The following SDK1 variants were observed in gnomAD, a reference collection of about 807,000 sequenced individuals.
SDK1 encodes sidekick cell adhesion molecule 1.
SDK1 carries 157 observed loss-of-function variants against 245.5 expected under a neutral mutation model. The ratio of observed to expected loss-of-function variants is 0.64; its 90% CI spans 0.56 to 0.73. The LOEUF is 0.73. SDK1 is among the 30% of genes least tolerant of loss of function. The pLI is 0.00. For synonymous variants in SDK1, 1,647 were observed against 1,278.5 expected (o/e 1.29, Z -6.15); for missense variants, 3,583 against 3,002.3 (o/e 1.19, Z -4.52).
At chr7:3,438,370 C>T (rs750722671) in intron 1 of SDK1, among the ~76,000 whole-genome samples, 80 of 152,098 alleles carry the variant, frequency 5.3e-4, no homozygotes, top group Non-Finnish European at 7.6e-4. Context: ...GCTGTGTATT[C>T]GAAATAATTT....
In SDK1 at chr7:4,266,579, T is replaced by A; in HGVS notation, c.*1195T>A. On this transcript the variant is annotated 3_prime_UTR_variant, in exon 45 of 45. Coordinates refer to ENST00000404826, the MANE Select transcript of SDK1 (RefSeq NM_152744.4). ...AGGTTTTTTGGAAATGTTTCTTTTTTTTATTTAAAATTGTCATTGTTTGGT... is the reference window on the plus strand; with the variant it reads ...AGGTTTTTTGGAAATGTTTCTTTTTATTATTTAAAATTGTCATTGTTTGGT... 5 of 985,278 alleles carry A rather than the reference T, an allele frequency of 5.1e-6. No individual in the cohort carries two copies. The highest frequency in any genetic ancestry group is 6.0e-6 in the Non-Finnish European group (5 of 829,810). The allele number at this position is 985,278 out of a possible 1,614,324, so 61.0% of individuals were successfully genotyped here. A position where few individuals can be genotyped will look rare whatever the true frequency, so the allele number is the denominator to read the frequency against.
chr7:4,172,577 A>G (rs946018108), intron 32 of SDK1, among the ~76,000 whole-genome samples: 1 of 152,172 alleles, frequency 6.6e-6, no homozygotes, highest in Non-Finnish European at 1.5e-5. Flanking sequence ...TTGGATTGCA[A>G]GGATGTGTTA....
At chr7:4,204,277 CAGTT>C (rs1262737985) in intron 35 of SDK1, among the ~76,000 whole-genome samples, 1 of 152,146 alleles carries the variant, frequency 6.6e-6, no homozygotes, top group Non-Finnish European at 1.5e-5. Context: ...AAAATTCCTC[CAGTT>C]AGTTTTGATT....
At chr7:3,504,897 C>G (rs933452537) in intron 1 of SDK1, among the ~76,000 whole-genome samples, 2 of 152,068 alleles carry the variant, frequency 1.3e-5, no homozygotes, top group African/African-American at 4.8e-5. Flanking sequence ...CCTAGCAATT[C>G]TACTCCTAGT....
chr7:4,260,279 G>T (rs113260978), intron 44 of SDK1, among the ~76,000 whole-genome samples: 68 of 124,924 alleles, frequency 5.4e-4, no homozygotes, highest in African/African-American at 1.9e-3. Flanking sequence ...CCAGGGCCTC[G>T]GTGTGTGTGG....
At chr7:3,974,251 G>A (rs771445094) in intron 12 of SDK1, 118 bp from the exon 13 acceptor site, 1 of 735,304 alleles carries the variant, frequency 1.4e-6, no homozygotes, top group Non-Finnish European at 2.3e-6. Flanking sequence ...GCACAGTTCA[G>A]TGGTTTTTAA....
In SDK1 at chr7:4,233,499, G is replaced by T. The variant is rs113094606; in HGVS notation, c.5992+80G>T. 3.6e-6 allele frequency: 5 copies of T among 1,397,054 alleles called. No individual in the cohort carries two copies. The African/African-American group carries it at 7.1e-5, about 20-fold the overall frequency. The allele number at this position is 1,397,054 out of a possible 1,614,324, so 86.5% of individuals were successfully genotyped here. On this transcript the variant is annotated intron_variant, in intron 41 of 44. Transcript: ENST00000404826. ...GGTCGAGGGGGACCCAGGGAGGTCT[G>T]TCTTCTCCTGAAGGGTGGGAGGGAG...
chr7:3,779,239 G>A (rs906852393), intron 4 of SDK1, among the ~76,000 whole-genome samples: 4 of 152,176 alleles, frequency 2.6e-5, no homozygotes, highest in African/African-American at 7.2e-5. Flanking sequence ...TGGCCAACTT[G>A]TCTCTCCTAC....
chr7:3,308,824 G>T (rs918204559), intron 1 of SDK1, among the ~76,000 whole-genome samples: 1 of 151,994 alleles, frequency 6.6e-6, no homozygotes, highest in African/African-American at 2.4e-5. Context: ...ACCTTGAGGG[G>T]GTTGGAAGCT....
At chr7:4,225,047 C>A (rs979042932) in intron 40 of SDK1, among the ~76,000 whole-genome samples, 1 of 143,344 alleles carries the variant, frequency 7.0e-6, no homozygotes. Context: ...TACAGAAGGG[C>A]CTGGCTACGA....
At position 4,202,752 on chromosome 7, in the gene SDK1, CGTTTT is replaced by C. The variant is rs1213230892; in HGVS notation, c.5099-3116_5099-3112del. The stretch of plus-strand genomic sequence containing the variant: ...TCCTCCACCAAATGCCACGTAGAAC[CGTTTT>C]GTTTTGTTTTTTTCTCCTGAGATTT... On this transcript the variant is annotated intron_variant, in intron 35 of 44. Transcript: ENST00000404826. Among the ~76,000 whole-genome samples the C allele has an allele frequency of 2.6e-5, 4 of 151,884 alleles. No individual in the cohort carries two copies. The East Asian group carries it at 7.7e-4, about 29-fold the overall frequency.
At chr7:4,217,233 G>A (rs1784860830) in intron 38 of SDK1, among the ~76,000 whole-genome samples, 1 of 114,126 alleles carries the variant, frequency 8.8e-6, no homozygotes, top group Admixed American at 8.3e-5. Flanking sequence ...AGGCCACCTG[G>A]AGCACCAGGC....
intron 4 of SDK1, among the ~76,000 whole-genome samples, chr7:3,763,575 C>A (rs1212737749): frequency 6.6e-6 from 1 of 152,178 alleles, no homozygotes; most frequent in Non-Finnish European, 1.5e-5. Flanking sequence ...ATTAGAGTTT[C>A]ATGTGTTTAC....
chr7:4,125,748 A>G (rs1386099226), intron 25 of SDK1, among the ~76,000 whole-genome samples: 1 of 152,180 alleles, frequency 6.6e-6, no homozygotes, highest in Non-Finnish European at 1.5e-5. Flanking sequence ...GACTGGTCAT[A>G]GCATCCTCCT....
intron 3 of SDK1, among the ~76,000 whole-genome samples, chr7:3,639,753 G>A (rs1782591923): frequency 6.6e-6 from 1 of 151,956 alleles, no homozygotes; most frequent in South Asian, 2.1e-4. Flanking sequence ...AATCTATGAA[G>A]AGTAAAAATG....
intron 1 of SDK1, among the ~76,000 whole-genome samples, chr7:3,430,591 G>C (rs928065629): frequency 6.6e-6 from 1 of 152,180 alleles, no homozygotes; most frequent in Non-Finnish European, 1.5e-5. Context: ...TGTCCTATGT[G>C]ACAGTCTCAG....
At chr7:3,695,231 C>T (rs1248654930) in intron 4 of SDK1, among the ~76,000 whole-genome samples, 1 of 152,202 alleles carries the variant, frequency 6.6e-6, no homozygotes, top group Non-Finnish European at 1.5e-5. Flanking sequence ...GTATTTCCGT[C>T]TAAGAATTTG....
rs534400489 is a variant in SDK1 at position 3,409,518 on chromosome 7, G to A, written c.298+107634G>A. Among the ~76,000 whole-genome samples, 310 of 152,126 alleles carry A rather than the reference G, an allele frequency of 2.0e-3. 2 individuals carry two copies. Among genetic ancestry groups the A allele is most frequent in the African/African-American group, 7.0e-3 (292 of 41,492 alleles). On this transcript the variant is annotated intron_variant, in intron 1 of 44. Coordinates refer to ENST00000404826, the MANE Select transcript of SDK1 (RefSeq NM_152744.4). ...CATCAAATTTTATACAAATTACACC[G>A]TTTTTCCGCAAATGTACATTTAGTG...
chr7:3,499,267 G>C (rs11984433), intron 1 of SDK1, among the ~76,000 whole-genome samples: 14,649 of 152,234 alleles, frequency 0.096, 975 homozygotes, highest in African/African-American at 0.18. Flanking sequence ...TTGTGCAACA[G>C]TAACTTGCTT....
Sources: gnomAD v4.1 joint callset for allele counts (sites outside exome capture counted in the v4.1 genomes callset) on GRCh38, gnomAD v4.1.1 for gene constraint, MANE v1.5 for transcripts, NCBI Gene and HGNC (gene_info 2026-07-23, HGNC 2026-07-21) for gene names.